The following DLC1 variants were observed in gnomAD, a reference collection of about 807,000 sequenced individuals.
DLC1 encodes the protein rho GTPase-activating protein 7.
A neutral mutation model predicts 140.3 loss-of-function variants in DLC1; 54 were observed. That is an observed-to-expected ratio of 0.38 (90% CI 0.31 to 0.48). DLC1 has a LOEUF of 0.48. Among genes scored for constraint, DLC1 ranks in the 20% least tolerant of loss-of-function variants. The probability of loss-of-function intolerance (pLI) is 0.96; values close to 1 mark genes in which losing one functional copy is unlikely to be tolerated. For synonymous variants in DLC1, 986 were observed against 728.1 expected, an observed-to-expected ratio of 1.35 and a Z score of -5.70; for missense variants, 2,536 against 1,907.0, an observed-to-expected ratio of 1.33 and a Z score of -6.14.
intron 5 of DLC1, among the ~76,000 whole-genome samples, chr8:13,244,877 T>C (rs1829700365): frequency 6.6e-6 from 1 of 152,360 alleles, no homozygotes; most frequent in East Asian, 1.9e-4. Context: ...TTCACTCACT[T>C]TAACCATTCC....
At chr8:13,388,722 A>T (rs1201801433) in intron 4 of DLC1, among the ~76,000 whole-genome samples, 2 of 152,044 alleles carry the variant, frequency 1.3e-5, no homozygotes, top group African/African-American at 4.8e-5. Context: ...ATGCATATAT[A>T]ATCTATTTTA....
At chr8:13,122,113 G>C (rs978129300) in intron 5 of DLC1, among the ~76,000 whole-genome samples, 5 of 152,064 alleles carry the variant, frequency 3.3e-5, no homozygotes, top group African/African-American at 1.2e-4. Flanking sequence ...CCTCCTTCAA[G>C]GATCCCCGAG....
intron 5 of DLC1, among the ~76,000 whole-genome samples, chr8:13,247,420 A>G (rs1173493354): frequency 6.6e-6 from 1 of 152,196 alleles, no homozygotes; most frequent in Non-Finnish European, 1.5e-5. Flanking sequence ...ATTATTTAGG[A>G]CTTCCAGTGT....
chr8:13,220,882 C>A (rs1188299), intron 5 of DLC1, among the ~76,000 whole-genome samples: 4,028 of 152,160 alleles, frequency 0.026, 189 homozygotes, highest in African/African-American at 0.092. Context: ...TGACTGTGGG[C>A]CCTGCCAGGC....
chr8:13,149,689 G>GAGA (rs1823673138), intron 5 of DLC1, among the ~76,000 whole-genome samples: 1 of 152,178 alleles, frequency 6.6e-6, no homozygotes, highest in African/African-American at 2.4e-5. Context: ...GAAAGGCAAA[G>GAGA]AGAACCTGTG....
At chr8:13,392,871 T>C (rs906275478) in intron 4 of DLC1, among the ~76,000 whole-genome samples, 20 of 152,198 alleles carry the variant, frequency 1.3e-4, no homozygotes, top group African/African-American at 4.8e-4. Context: ...ATTATCATAA[T>C]AATAATGACA....
At chr8:13,468,660 T>C (rs561024393) in intron 2 of DLC1, among the ~76,000 whole-genome samples, 1 of 150,520 alleles carries the variant, frequency 6.6e-6, no homozygotes, top group Admixed American at 6.6e-5. Context: ...CAGAGGTGCA[T>C]CAGCATGTCA....
At chr8:13,193,421 A>G (rs1181273124) in intron 5 of DLC1, among the ~76,000 whole-genome samples, 15 of 152,170 alleles carry the variant, frequency 9.9e-5, no homozygotes, top group Admixed American at 9.8e-4. Flanking sequence ...TTTCTAAAGT[A>G]GGACTTAGTA....
chr8:13,131,297 T>G (rs1203901973), intron 5 of DLC1, among the ~76,000 whole-genome samples: 1 of 152,190 alleles, frequency 6.6e-6, no homozygotes, highest in South Asian at 2.1e-4. Flanking sequence ...GGCTGCAGTC[T>G]GCTGGACTAT....
intron 5 of DLC1, chr8:13,214,826 G>T (rs748020761): frequency 9.1e-6 from 7 of 769,326 alleles, no homozygotes; most frequent in East Asian, 2.4e-5. Context: ...ATTGATTTGA[G>T]TGCTGGTGGC....
At chr8:13,295,362 A>T (rs1160099001) in intron 5 of DLC1, among the ~76,000 whole-genome samples, 1 of 152,234 alleles carries the variant, frequency 6.6e-6, no homozygotes, top group Non-Finnish European at 1.5e-5. Flanking sequence ...GTAGAAATTT[A>T]AGAACTCTGT....
chr8:13,170,716 C>A (rs1210735664), intron 5 of DLC1, among the ~76,000 whole-genome samples: 1 of 117,808 alleles, frequency 8.5e-6, no homozygotes, highest in East Asian at 2.4e-4. Flanking sequence ...GGCGACAGAG[C>A]AAGACTCCAT....
At chr8:13,567,159 G>C (rs1388912974) in intron 1 of DLC1, 13 of 1,551,798 alleles carry the variant, frequency 8.4e-6, no homozygotes, top group Middle Eastern at 1.7e-4. Context: ...GCAAACTGGA[G>C]AGGGAAAAGC....
At position 13,133,195 on chromosome 8, in the gene DLC1, C is replaced by T. The variant is rs537973048; in HGVS notation, c.1349-17538G>A. The T allele has an allele frequency of 1.8e-4, 262 of 1,425,106 alleles. No individual in the cohort carries two copies. The Middle Eastern group carries it at 2.6e-3, about 14-fold the overall frequency. The allele number at this position is 1,425,106 out of a possible 1,614,324, so 88.3% of individuals were successfully genotyped here. A position where few individuals can be genotyped will look rare whatever the true frequency, so the allele number is the denominator to read the frequency against. On this transcript the variant is annotated intron_variant, in intron 5 of 17. Transcript: ENST00000276297. Reference sequence around the variant, plus strand: ...ACGAGGGAGCGCTCAGGGAGTTGGGCGAGAAGTCCGTGAGCCGGCGCTCCT... The same window carrying T: ...ACGAGGGAGCGCTCAGGGAGTTGGGTGAGAAGTCCGTGAGCCGGCGCTCCT...
intron 2 of DLC1, among the ~76,000 whole-genome samples, chr8:13,408,972 A>G (rs1021396847): frequency 2.0e-5 from 3 of 152,126 alleles, no homozygotes; most frequent in Non-Finnish European, 2.9e-5. Flanking sequence ...AAAAAAAGAC[A>G]TAAGTAAACA....
chr8:13,584,347 G>C (rs1805227938), intron 1 of DLC1: 1 of 153,808 alleles, frequency 6.5e-6, no homozygotes, highest in South Asian at 2.0e-4. Flanking sequence ...ACAGGGGTGG[G>C]CTACTGAACC....
intron 5 of DLC1, among the ~76,000 whole-genome samples, chr8:13,184,574 A>T (rs1826236488): frequency 6.6e-6 from 1 of 152,184 alleles, no homozygotes; most frequent in Admixed American, 6.5e-5. Flanking sequence ...GTCATTCAGG[A>T]GCAAGTTGTT....
At chr8:13,308,364 C>T (rs901988295) in intron 4 of DLC1, among the ~76,000 whole-genome samples, 2 of 152,164 alleles carry the variant, frequency 1.3e-5, no homozygotes, top group East Asian at 1.9e-4. Context: ...TGTAGTATTC[C>T]TAGAATTTTA....
chr8:13,430,312 C>G (rs529069290), intron 2 of DLC1, among the ~76,000 whole-genome samples: 2 of 151,808 alleles, frequency 1.3e-5, no homozygotes, highest in African/African-American at 2.4e-5. Flanking sequence ...GAAACAAAGG[C>G]CTTTGAAAAA....
Sources: gnomAD v4.1 joint callset for allele counts (sites outside exome capture counted in the v4.1 genomes callset) on GRCh38, gnomAD v4.1.1 for gene constraint, MANE v1.5 for transcripts, NCBI Gene and HGNC (gene_info 2026-07-23, HGNC 2026-07-21) for gene names.